RSU1: variants seen among roughly 807,000 people sequenced by gnomAD.
RSU1 encodes the protein rsu-1.
In RSU1, 26 loss-of-function variants were observed where a neutral mutation model predicts 31.1. The observed-to-expected ratio is 0.84, with a 90% CI of 0.61 to 1.16. RSU1 has a LOEUF of 1.16. Ranked by LOEUF, RSU1 falls within the 50% of genes most tolerant of loss-of-function variation. The pLI is 0.00. For missense variants in RSU1, 320 were observed against 339.1 expected, an observed-to-expected ratio of 0.94 and a Z score of 0.44; for synonymous variants, 164 against 136.3, an observed-to-expected ratio of 1.20 and a Z score of -1.41.
intron 8 of RSU1, among the ~76,000 whole-genome samples, chr10:16,669,423 C>T (rs980245061): frequency 1.3e-5 from 2 of 152,070 alleles, no homozygotes; most frequent in Non-Finnish European, 2.9e-5. Context: ...ATTAATTCCC[C>T]TTTTGGAATT....
At chr10:16,685,262 C>T (rs1261401561) in intron 8 of RSU1, among the ~76,000 whole-genome samples, 1 of 152,094 alleles carries the variant, frequency 6.6e-6, no homozygotes, top group South Asian at 2.1e-4. Flanking sequence ...AACCAAACAA[C>T]ACCAAATAAG....
chr10:16,723,983 C>A (rs1039764209), intron 7 of RSU1, among the ~76,000 whole-genome samples: 10 of 152,212 alleles, frequency 6.6e-5, no homozygotes, highest in Middle Eastern at 3.4e-3. Context: ...TGTTGTTGCC[C>A]AGGCTGGAGT....
intron 2 of RSU1, among the ~76,000 whole-genome samples, chr10:16,805,646 G>C (rs541690922): frequency 7.4e-6 from 1 of 134,772 alleles, no homozygotes; most frequent in South Asian, 2.4e-4. Flanking sequence ...ACTGCACTCC[G>C]ACAGAGCGAG....
intron 8 of RSU1, among the ~76,000 whole-genome samples, chr10:16,684,420 G>A (rs1380587265): frequency 6.6e-6 from 1 of 152,140 alleles, no homozygotes; most frequent in African/African-American, 2.4e-5. Context: ...GTCCTCAATG[G>A]TCATATTTGG....
chr10:16,688,297 C>A (rs1282638944), intron 8 of RSU1, among the ~76,000 whole-genome samples: 1 of 152,134 alleles, frequency 6.6e-6, no homozygotes, highest in African/African-American at 2.4e-5. Flanking sequence ...TGTGATAATG[C>A]ATTTTCAACT....
At chr10:16,625,393 G>C (rs1354217388) in intron 8 of RSU1, among the ~76,000 whole-genome samples, 2 of 152,148 alleles carry the variant, frequency 1.3e-5, no homozygotes, top group South Asian at 2.1e-4. Flanking sequence ...TTTTAAACTA[G>C]AAAAGATCTC....
intron 2 of RSU1, among the ~76,000 whole-genome samples, chr10:16,808,441 C>A (rs182759920): frequency 1.3e-5 from 2 of 148,912 alleles, no homozygotes; most frequent in African/African-American, 2.5e-5. Flanking sequence ...CGTGATCATG[C>A]CACTGCACTC....
chr10:16,622,164 C>A (rs1834081614), intron 8 of RSU1, among the ~76,000 whole-genome samples: 1 of 152,080 alleles, frequency 6.6e-6, no homozygotes, highest in South Asian at 2.1e-4. Flanking sequence ...TGACAAAATA[C>A]CTCCCCTGAA....
intron 8 of RSU1, among the ~76,000 whole-genome samples, chr10:16,635,605 A>G (rs1834332257): frequency 1.3e-5 from 2 of 152,196 alleles, no homozygotes; most frequent in Non-Finnish European, 2.9e-5. Context: ...ATACTGTCCC[A>G]GCAACTGGTC....
chr10:16,770,027 C>A (rs936277170), intron 3 of RSU1, among the ~76,000 whole-genome samples: 8 of 152,218 alleles, frequency 5.3e-5, no homozygotes, highest in Admixed American at 2.6e-4. Flanking sequence ...TTCATCATGA[C>A]CAAGGGTAGT....
chr10:16,704,449 A>C (rs1275549738), intron 7 of RSU1, among the ~76,000 whole-genome samples: 1 of 152,222 alleles, frequency 6.6e-6, no homozygotes, highest in African/African-American at 2.4e-5. Flanking sequence ...GCAGGTATTT[A>C]AAAACCAATT....
chr10:16,764,695 G>GTTAAATATATGAA (rs1434665620), intron 3 of RSU1, among the ~76,000 whole-genome samples, 185 bp from the exon 4 acceptor site: 19 of 152,258 alleles, frequency 1.2e-4, no homozygotes, highest in African/African-American at 4.1e-4. Flanking sequence ...CTTCTGAGTG[G>GTTAAATATATGAA]CTGCTTAAAT....
At chr10:16,686,550 A>G (rs1044074271) in intron 8 of RSU1, among the ~76,000 whole-genome samples, 1 of 152,164 alleles carries the variant, frequency 6.6e-6, no homozygotes, top group Non-Finnish European at 1.5e-5. Context: ...AGTCTAGCTG[A>G]TATTTATTTT....
At chr10:16,638,105 T>C (rs1045601492) in intron 8 of RSU1, among the ~76,000 whole-genome samples, 1 of 152,174 alleles carries the variant, frequency 6.6e-6, no homozygotes, top group Non-Finnish European at 1.5e-5. Flanking sequence ...CTTTTTCATA[T>C]ATTTTGATTT....
intron 2 of RSU1, among the ~76,000 whole-genome samples, chr10:16,807,195 G>A (rs1838290847): frequency 6.6e-6 from 1 of 152,212 alleles, no homozygotes; most frequent in East Asian, 1.9e-4. Context: ...GAAAAACTAA[G>A]AGGCGAAACC....
chr10:16,697,536 C>T (rs2131565281), intron 7 of RSU1, among the ~76,000 whole-genome samples: 1 of 152,060 alleles, frequency 6.6e-6, no homozygotes, highest in East Asian at 1.9e-4. Context: ...CAGTGGTGCG[C>T]ACCTGTAGTC....
intron 8 of RSU1, among the ~76,000 whole-genome samples, chr10:16,594,665 A>T (rs1011004346): frequency 1.4e-5 from 2 of 141,662 alleles, no homozygotes; most frequent in Admixed American, 6.9e-5. Flanking sequence ...ATCATATATT[A>T]TCTATATCAT....
At chr10:16,602,683 A>G (rs1554757686) in intron 8 of RSU1, among the ~76,000 whole-genome samples, 1 of 152,228 alleles carries the variant, frequency 6.6e-6, no homozygotes, top group Non-Finnish European at 1.5e-5. Flanking sequence ...CTCGTGTCAT[A>G]TGTATCCCTA....
At chr10:16,704,835 T>C (rs1835862319) in intron 7 of RSU1, among the ~76,000 whole-genome samples, 1 of 152,230 alleles carries the variant, frequency 6.6e-6, no homozygotes, top group Non-Finnish European at 1.5e-5. Flanking sequence ...GACTGGTTAA[T>C]TTTTCCCCCA....
Sources: gnomAD v4.1 joint callset for allele counts (sites outside exome capture counted in the v4.1 genomes callset) on GRCh38, gnomAD v4.1.1 for gene constraint, MANE v1.5 for transcripts, NCBI Gene and HGNC (gene_info 2026-07-23, HGNC 2026-07-21) for gene names.